Variants in MSH4 observed in about 807,000 individuals in gnomAD.
MSH4 encodes mutS homolog 4, also known as mutS protein homolog 4.
Under a neutral mutation model 113.7 loss-of-function variants are expected in MSH4, and 106 were observed. The observed-to-expected ratio is 0.93, with a 90% CI of 0.80 to 1.10. MSH4 has a LOEUF of 1.10. Among genes scored for constraint, MSH4 ranks in the 50% least tolerant of loss-of-function variants. The pLI, the probability that MSH4 is intolerant of heterozygous loss-of-function variation, is 0.00. For synonymous variants in MSH4, 368 were observed against 380.2 expected (o/e 0.97, Z 0.37); for missense variants, 1,061 against 1,093.7 (o/e 0.97, Z 0.42).
chr1:75,847,523 T>A (rs1651099922), intron 7 of MSH4, among the ~76,000 whole-genome samples: 1 of 152,144 alleles, frequency 6.6e-6, no homozygotes, highest in Non-Finnish European at 1.5e-5. Context: ...TGAGGGTAAG[T>A]CGTGTTGCTA....
intron 5 of MSH4, among the ~76,000 whole-genome samples, chr1:75,816,032 C>T (rs1650285307): frequency 6.6e-6 from 1 of 151,972 alleles, no homozygotes; most frequent in African/African-American, 2.4e-5. Flanking sequence ...AATAAAGTAT[C>T]AGACTTTCCT....
chr1:75,855,168 G>A (rs1293267297), intron 8 of MSH4, among the ~76,000 whole-genome samples: 2 of 152,002 alleles, frequency 1.3e-5, no homozygotes, highest in African/African-American at 2.4e-5. Flanking sequence ...CGCCTGAGTA[G>A]CCAAGACCAC....
At chr1:75,814,372 A>G (rs1223808790) in intron 4 of MSH4, among the ~76,000 whole-genome samples, 3 of 151,974 alleles carry the variant, frequency 2.0e-5, no homozygotes, top group Admixed American at 1.3e-4. Context: ...GGATGAAGCA[A>G]GCAGATTGCT....
intron 4 of MSH4, among the ~76,000 whole-genome samples, chr1:75,814,678 G>T (rs1466313774): frequency 2.0e-5 from 3 of 152,070 alleles, no homozygotes; most frequent in East Asian, 3.9e-4. Flanking sequence ...ATAGATTTTA[G>T]TACAATCTAT....
chr1:75,807,957 G>T (rs1650104085), intron 3 of MSH4, among the ~76,000 whole-genome samples: 1 of 152,084 alleles, frequency 6.6e-6, no homozygotes, highest in African/African-American at 2.4e-5. Context: ...CTGCTGCCTT[G>T]GACATCAGAA....
chr1:75,824,904 G>GTTTTTTTT (rs71588855), intron 7 of MSH4, among the ~76,000 whole-genome samples: 13 of 120,222 alleles, frequency 1.1e-4, no homozygotes, highest in South Asian at 2.7e-4. Context: ...CTTCAGCTTT[G>GTTTTTTTT]TTTTTTTTTT....
At position 75,837,266 on chromosome 1, in the gene MSH4, A is replaced by T. The variant is rs1220606228; in HGVS notation, c.1163-10943A>T. Among the ~76,000 whole-genome samples, 6 of 152,112 alleles carry T rather than the reference A, an allele frequency of 3.9e-5. No individual in the cohort carries two copies. The East Asian group carries it at 1.2e-3, about 29-fold the overall frequency. On this transcript the variant is annotated intron_variant, in intron 7 of 19. Transcript: ENST00000263187. ...CACTGAATCTGCCCAGCAGAAAATA[A>T]ATTTCTCTTGTTTATAAGCCACTCA...
intron 7 of MSH4, among the ~76,000 whole-genome samples, chr1:75,830,009 C>G (rs879077790): frequency 6.6e-6 from 1 of 151,976 alleles, no homozygotes; most frequent in African/African-American, 2.4e-5. Context: ...GGAGGATGGT[C>G]GAACCCATAA....
Position 75,797,915 on chromosome 1 carries a change from G to T in MSH4, c.244+686G>T, listed in dbSNP as rs138787984. ...GCTGAGATTGCGCCACTGCATTTCAGCCTGGGTGACACAGTGAGACCCTGA... is the reference window on the plus strand; with the variant it reads ...GCTGAGATTGCGCCACTGCATTTCATCCTGGGTGACACAGTGAGACCCTGA... On this transcript the variant is annotated intron_variant, in intron 1 of 19. Transcript: ENST00000263187. Among the ~76,000 whole-genome samples, 82 of 152,300 alleles carry T rather than the reference G, an allele frequency of 5.4e-4. 1 individual carries two copies. In the East Asian group the frequency reaches 7.5e-3, roughly 14 times the overall value.
At chr1:75,875,467 A>T (rs1651799380) in intron 9 of MSH4, among the ~76,000 whole-genome samples, 1 of 152,210 alleles carries the variant, frequency 6.6e-6, no homozygotes, top group African/African-American at 2.4e-5. Context: ...AAATCATGTC[A>T]ATTATAAAAT....
At chr1:75,878,023 CTTAA>C (rs1651851306) in intron 10 of MSH4, 122 bp from the exon 11 acceptor site, 1 of 656,008 alleles carries the variant, frequency 1.5e-6, no homozygotes. Context: ...ATATTTGTTG[CTTAA>C]TTAGTTATTT....
intron 7 of MSH4, among the ~76,000 whole-genome samples, chr1:75,831,295 C>T (rs1055690533): frequency 2.0e-5 from 3 of 152,142 alleles, no homozygotes; most frequent in Admixed American, 6.5e-5. Context: ...AAAGCAAGTG[C>T]TTAGAGACCT....
chr1:75,877,173 T>G (rs5745442), intron 10 of MSH4, among the ~76,000 whole-genome samples, 173 bp downstream of exon 10: 28,865 of 152,012 alleles, frequency 0.19, 2,994 homozygotes, highest in Middle Eastern at 0.26. Context: ...ATAAGTAGAA[T>G]AAATAGGGTA....
chr1:75,868,723 C>G (rs892408738), intron 9 of MSH4, among the ~76,000 whole-genome samples: 1 of 152,154 alleles, frequency 6.6e-6, no homozygotes, highest in African/African-American at 2.4e-5. Context: ...CTCACAAGGT[C>G]TGATGGTTTT....
intron 8 of MSH4, 55 bp from the exon 9 acceptor site, chr1:75,867,459 T>C: frequency 1.1e-6 from 1 of 939,208 alleles, no homozygotes; most frequent in Non-Finnish European, 1.7e-6. Context: ...GGAAAACCCA[T>C]TGTTCTATTA....
At chr1:75,851,648 G>A (rs1381455812) in intron 8 of MSH4, among the ~76,000 whole-genome samples, 5 of 152,020 alleles carry the variant, frequency 3.3e-5, no homozygotes, top group South Asian at 4.1e-4. Context: ...AACCTCAAGC[G>A]ATCCACCTGC....
intron 7 of MSH4, among the ~76,000 whole-genome samples, chr1:75,845,765 C>G (rs991218633): frequency 1.1e-4 from 17 of 151,922 alleles, no homozygotes; most frequent in South Asian, 4.2e-4. Context: ...CTAGGCATTG[C>G]CCTAGTGGGG....
chr1:75,831,373 A>G (rs1035564545), intron 7 of MSH4, among the ~76,000 whole-genome samples: 1 of 152,126 alleles, frequency 6.6e-6, no homozygotes, highest in African/African-American at 2.4e-5. Flanking sequence ...AACATTAGAC[A>G]GATCGAGACA....
intron 19 of MSH4, among the ~76,000 whole-genome samples, chr1:75,912,140 T>C (rs1198476211): frequency 4.6e-5 from 7 of 152,136 alleles, no homozygotes; most frequent in Admixed American, 2.0e-4. Context: ...CCTCAGGCAG[T>C]ATTTTCTCTT....
Sources: allele counts gnomAD v4.1 joint callset (sites outside exome capture counted in the v4.1 genomes callset), GRCh38; gene constraint gnomAD v4.1.1; transcripts MANE v1.5; gene names NCBI Gene and HGNC (gene_info 2026-07-23, HGNC 2026-07-21).